IKZF2: variants seen among roughly 807,000 people sequenced by gnomAD.
IKZF2 encodes the protein IKAROS family zinc finger 2.
IKZF2 carries 15 observed loss-of-function variants against 49.2 expected under a neutral mutation model. The observed-to-expected ratio is 0.30, with a 90% CI of 0.20 to 0.47. IKZF2 has a LOEUF of 0.47. Ranked by LOEUF, IKZF2 falls within the 20% of genes least tolerant of loss-of-function variation. The probability of loss-of-function intolerance (pLI) is 1.00; values close to 1 mark genes in which losing one functional copy is unlikely to be tolerated. For synonymous variants in IKZF2, 227 were observed against 221.4 expected, an observed-to-expected ratio of 1.03 and a Z score of -0.23; for missense variants, 567 against 664.6, an observed-to-expected ratio of 0.85 and a Z score of 1.61.
At chr2:213,151,059 G>A (rs960034093) in intron 1 of IKZF2, among the ~76,000 whole-genome samples, 3 of 151,904 alleles carry the variant, frequency 2.0e-5, no homozygotes, top group African/African-American at 7.3e-5. Context: ...GATGAGAACT[G>A]ATTAATCGAT....
chr2:213,105,285 C>T (rs1002015837), intron 4 of IKZF2, among the ~76,000 whole-genome samples: 4 of 152,096 alleles, frequency 2.6e-5, no homozygotes, highest in Admixed American at 1.3e-4. Flanking sequence ...AATCATAGCC[C>T]GAAGATCCAA....
intron 2 of IKZF2, among the ~76,000 whole-genome samples, chr2:213,149,767 A>C (rs1289635409): frequency 2.0e-3 from 213 of 108,782 alleles, no homozygotes; most frequent in African/African-American, 3.1e-3. Flanking sequence ...CTTCACCACC[A>C]CACTCCCTTA....
intron 4 of IKZF2, among the ~76,000 whole-genome samples, chr2:213,064,844 C>T (rs1702023138): frequency 1.3e-5 from 2 of 151,974 alleles, no homozygotes; most frequent in South Asian, 4.1e-4. Context: ...TTCCTTCAAA[C>T]TTTTGCCACA....
At chr2:213,013,353 C>T (rs1696186484) in intron 8 of IKZF2, among the ~76,000 whole-genome samples, 1 of 151,614 alleles carries the variant, frequency 6.6e-6, no homozygotes, top group African/African-American at 2.4e-5. Flanking sequence ...ATAAATAACT[C>T]CCACATGCTT....
Position 213,148,591 on chromosome 2 carries a change from C to T in IKZF2, c.34+5G>A. 2 of 1,606,936 alleles carry T rather than the reference C, an allele frequency of 1.2e-6. No homozygotes were observed. Among genetic ancestry groups the T allele is most frequent in the South Asian group, 1.1e-5 (1 of 90,572 alleles). On this transcript the variant is annotated splice_donor_5th_base_variant and intron_variant, in intron 3 of 8. Transcript: ENST00000434687. The stretch of plus-strand genomic sequence containing the variant: ...AATAACAAATCAATGAAAACTAATA[C>T]TTACACGTTATATAGCCATCAATAG...
At chr2:213,048,027 G>A (rs1700328372) in intron 6 of IKZF2, among the ~76,000 whole-genome samples, 1 of 152,004 alleles carries the variant, frequency 6.6e-6, no homozygotes, top group Admixed American at 6.6e-5. Context: ...TCTGTTTTAT[G>A]TTCTATCTAT....
chr2:213,059,736 C>A (rs985191259), intron 4 of IKZF2, among the ~76,000 whole-genome samples: 3 of 151,332 alleles, frequency 2.0e-5, no homozygotes, highest in Non-Finnish European at 4.4e-5. Context: ...TGACATTACA[C>A]TACTAAGTTT....
At chr2:213,062,295 G>A (rs941930567) in intron 4 of IKZF2, among the ~76,000 whole-genome samples, 1 of 151,554 alleles carries the variant, frequency 6.6e-6, no homozygotes, top group Middle Eastern at 3.5e-3. Context: ...AATATGACCT[G>A]ATTCTACTAA....
intron 7 of IKZF2, among the ~76,000 whole-genome samples, chr2:213,021,121 G>C (rs998102250): frequency 6.6e-6 from 1 of 152,136 alleles, no homozygotes; most frequent in Non-Finnish European, 1.5e-5. Context: ...GCTGAAGCAG[G>C]AGAATCGCTT....
intron 4 of IKZF2, among the ~76,000 whole-genome samples, chr2:213,103,052 G>A (rs1032849458): frequency 3.3e-5 from 5 of 152,096 alleles, no homozygotes; most frequent in East Asian, 1.9e-4. Context: ...AAGTAACCAC[G>A]TTACTCACAT....
intron 6 of IKZF2, among the ~76,000 whole-genome samples, chr2:213,041,470 T>C (rs1332595610): frequency 6.6e-6 from 1 of 151,964 alleles, no homozygotes; most frequent in East Asian, 1.9e-4. Flanking sequence ...GCCCAGATAA[T>C]TTTTTGTATT....
At position 213,006,412 on chromosome 2, in the gene IKZF2, A is replaced by G. The variant is rs1202466596; in HGVS notation, c.*948T>C. The G allele has an allele frequency of 1.3e-5, 2 of 152,536 alleles. No individual in the cohort carries two copies. The highest frequency in any genetic ancestry group is 2.9e-5 in the Non-Finnish European group (2 of 67,984). The allele number at this position is 152,536 out of a possible 1,614,324, so 9.4% of individuals were successfully genotyped here. ...TGGTTAACACTGATTAAATGCTGAT[A>G]AAGTGACAATCGTAAGCATACTTTT... is the stretch of plus-strand genomic sequence containing the variant. On this transcript the variant is annotated 3_prime_UTR_variant, in exon 9 of 9. Transcript: ENST00000434687.
At chr2:213,146,767 G>A (rs1176418344) in intron 4 of IKZF2, among the ~76,000 whole-genome samples, 1 of 120,318 alleles carries the variant, frequency 8.3e-6, no homozygotes, top group East Asian at 2.3e-4. Flanking sequence ...TTCGGGGGGG[G>A]GGAAGGAAAG....
At chr2:213,047,702 G>A (rs907905078) in intron 6 of IKZF2, among the ~76,000 whole-genome samples, 1 of 152,084 alleles carries the variant, frequency 6.6e-6, no homozygotes, top group Non-Finnish European at 1.5e-5. Flanking sequence ...CTACCAGAAT[G>A]ATTTGGAGCT....
At chr2:213,094,124 T>C (rs1705679177) in intron 4 of IKZF2, among the ~76,000 whole-genome samples, 1 of 152,144 alleles carries the variant, frequency 6.6e-6, no homozygotes, top group Non-Finnish European at 1.5e-5. Context: ...GAGAAAGGTA[T>C]GGATTAACAG....
At chr2:213,035,545 G>A (rs1022392930) in intron 6 of IKZF2, among the ~76,000 whole-genome samples, 1 of 152,180 alleles carries the variant, frequency 6.6e-6, no homozygotes, top group African/African-American at 2.4e-5. Context: ...TATTTTCAAA[G>A]AGATGACATT....
In IKZF2 at chr2:213,001,684, G is replaced by A. The variant is rs1364550810; in HGVS notation, c.*5676C>T. The A allele has an allele frequency of 6.6e-6, 1 of 151,640 alleles. No homozygotes were observed. The highest frequency in any genetic ancestry group is 2.4e-5 in the African/African-American group (1 of 41,310). 9.4% of individuals were successfully genotyped at this position (151,640 alleles called of 1,614,324 possible). ...AGTTGACCTAATCTTCAAACTTTTA[G>A]GAGAACAGAGAGGTAAACATCCATA... On this transcript the variant is annotated 3_prime_UTR_variant, in exon 9 of 9. Coordinates refer to ENST00000434687, the MANE Select transcript of IKZF2 (RefSeq NM_001387220.1).
rs2060137510 is a variant in IKZF2 at position 213,123,940 on chromosome 2, T to TG, written c.139+23767dup. 6.7e-4 allele frequency among the ~76,000 whole-genome samples: 7 copies of TG among 10,434 alleles called. No homozygotes were observed. The South Asian group carries it at 0.097, about 144-fold the overall frequency. The allele number at this position is 10,434 out of a possible 152,430, so 6.8% of individuals were successfully genotyped here. ...GTGAGATATTTAGCTTGAGTCTTAG[T>TG]GAAAAAAAAAAGCAGTGACATTTCA... is the stretch of plus-strand genomic sequence containing the variant. On this transcript the variant is annotated intron_variant, in intron 4 of 8. Transcript: ENST00000434687.
chr2:213,022,943 A>C (rs1208665102), intron 6 of IKZF2, among the ~76,000 whole-genome samples: 6 of 152,206 alleles, frequency 3.9e-5, no homozygotes, highest in Non-Finnish European at 8.8e-5. Flanking sequence ...AGTTAAAAAA[A>C]ACCTTAAAAA....
Sources: allele counts gnomAD v4.1 joint callset (sites outside exome capture counted in the v4.1 genomes callset), GRCh38; gene constraint gnomAD v4.1.1; transcripts MANE v1.5; gene names NCBI Gene and HGNC (gene_info 2026-07-23, HGNC 2026-07-21).